Variants in DLG2 observed in about 807,000 individuals in gnomAD.
The protein encoded by DLG2 is disks large homolog 2.
A neutral mutation model predicts 132.5 loss-of-function variants in DLG2; 45 were observed. The observed-to-expected ratio is 0.34, with a 90% CI of 0.27 to 0.44. The LOEUF (loss-of-function observed/expected upper bound fraction) is 0.44. Ranked by LOEUF, DLG2 falls within the 20% of genes least tolerant of loss-of-function variation. The pLI is 1.00. For missense variants in DLG2, 1,045 were observed against 1,196.9 expected (o/e 0.87, Z 1.87); for synonymous variants, 424 against 419.6 (o/e 1.01, Z -0.13).
intron 6 of DLG2, among the ~76,000 whole-genome samples, chr11:84,634,569 C>A (rs1165409326): frequency 6.6e-6 from 1 of 152,184 alleles, no homozygotes; most frequent in Non-Finnish European, 1.5e-5. Context: ...CTGTATGTCA[C>A]CTTCATTTTT....
At chr11:85,162,214 T>C (rs1037105501) in intron 4 of DLG2, among the ~76,000 whole-genome samples, 2 of 152,116 alleles carry the variant, frequency 1.3e-5, no homozygotes, top group African/African-American at 2.4e-5. Flanking sequence ...AGTAAGGAAG[T>C]GTGTGCGTGG....
chr11:83,628,126 A>G (rs1271172651), intron 19 of DLG2, among the ~76,000 whole-genome samples: 1 of 152,116 alleles, frequency 6.6e-6, no homozygotes, highest in Non-Finnish European at 1.5e-5. Context: ...CCTTTGTCAG[A>G]TGAGTAGGTT....
chr11:83,791,481 GC>G, intron 17 of DLG2: 1 of 693,988 alleles, frequency 1.4e-6, no homozygotes, highest in Non-Finnish European at 2.7e-6. Context: ...AAAGTCACTG[GC>G]TAGCGATGGT....
At chr11:84,380,368 C>G (rs1381221847) in intron 7 of DLG2, among the ~76,000 whole-genome samples, 1 of 151,972 alleles carries the variant, frequency 6.6e-6, no homozygotes, top group African/African-American at 2.4e-5. Flanking sequence ...GGCCATAGTT[C>G]AAGCCTCAAC....
intron 6 of DLG2, among the ~76,000 whole-genome samples, chr11:84,838,368 GT>G (rs1032493201): frequency 1.3e-5 from 2 of 148,838 alleles, no homozygotes; most frequent in African/African-American, 5.0e-5. Context: ...GTCTTTATGT[GT>G]TTTAGCCGAA....
In DLG2 at chr11:83,745,276, G is replaced by GA. The variant is rs995975395; in HGVS notation, c.1825+41413dup. On this transcript the variant is annotated intron_variant, in intron 18 of 27. Coordinates refer to ENST00000376104, the MANE Select transcript of DLG2 (RefSeq NM_001142699.3). ...ATACAGCAAGAAGTGGCCAAAGTTT[G>GA]AAAAAAATTAGAAAACTATGCAACA... Among the ~76,000 whole-genome samples, 79 of 152,196 alleles carry GA rather than the reference G, an allele frequency of 5.2e-4. 1 individual carries two copies. Among genetic ancestry groups the GA allele is most frequent in the African/African-American group, 1.8e-3 (75 of 41,558 alleles).
intron 3 of DLG2, among the ~76,000 whole-genome samples, chr11:85,353,355 T>C (rs1369372809): frequency 2.0e-5 from 3 of 152,126 alleles, no homozygotes; most frequent in South Asian, 2.1e-4. Flanking sequence ...CTGGAGAGGA[T>C]GTGGAGAAAT....
At chr11:84,725,661 C>A (rs1052793318) in intron 6 of DLG2, among the ~76,000 whole-genome samples, 1 of 152,090 alleles carries the variant, frequency 6.6e-6, no homozygotes, top group African/African-American at 2.4e-5. Flanking sequence ...AAAGTCCATA[C>A]AAATGATTGA....
intron 8 of DLG2, among the ~76,000 whole-genome samples, chr11:84,165,623 G>A (rs889735830): frequency 2.0e-5 from 3 of 152,004 alleles, no homozygotes; most frequent in East Asian, 1.9e-4. Flanking sequence ...AAAGCATCCC[G>A]GCTGGGTGGT....
chr11:83,938,585 A>T (rs942248845), intron 14 of DLG2, among the ~76,000 whole-genome samples: 6 of 152,228 alleles, frequency 3.9e-5, no homozygotes, highest in African/African-American at 1.4e-4. Context: ...TCTTCCTACT[A>T]GTTGGAATTA....
intron 3 of DLG2, among the ~76,000 whole-genome samples, chr11:85,293,252 A>C (rs1319401511): frequency 6.6e-6 from 1 of 152,126 alleles, no homozygotes; most frequent in Non-Finnish European, 1.5e-5. Context: ...ATAGCCTTAT[A>C]GTATCTCCCC....
At chr11:84,162,723 A>G (rs529961300) in intron 9 of DLG2, among the ~76,000 whole-genome samples, 2 of 152,252 alleles carry the variant, frequency 1.3e-5, no homozygotes, top group South Asian at 4.1e-4. Flanking sequence ...GAATATTCAC[A>G]TTCCTTTTAA....
intron 7 of DLG2, among the ~76,000 whole-genome samples, chr11:84,303,257 G>A (rs2098176648): frequency 6.6e-6 from 1 of 152,184 alleles, no homozygotes; most frequent in East Asian, 1.9e-4. Context: ...CAACTTTAGA[G>A]CTAGTATATA....
intron 17 of DLG2, among the ~76,000 whole-genome samples, chr11:83,797,947 A>C (rs1452474483): frequency 6.6e-6 from 1 of 152,206 alleles, no homozygotes; most frequent in Non-Finnish European, 1.5e-5. Flanking sequence ...TATTATTTTA[A>C]CGTCATTCTT....
Position 84,106,574 on chromosome 11 carries a change from T to A in DLG2, c.625-7527A>T, listed in dbSNP as rs115303346. ...CAATCTACAGGAATTGCATTTAGGA[T>A]GCCCCATAGTTTGTTCTATTAAATT... On this transcript the variant is annotated intron_variant, in intron 9 of 27. Transcript: ENST00000376104. 3.4e-3 allele frequency among the ~76,000 whole-genome samples: 513 copies of A among 152,280 alleles called. 1 individual carries two copies. Among genetic ancestry groups the A allele is most frequent in the African/African-American group, 0.012 (493 of 41,572 alleles).
intron 10 of DLG2, among the ~76,000 whole-genome samples, chr11:84,083,311 T>A (rs1268371841): frequency 6.6e-6 from 1 of 151,992 alleles, no homozygotes; most frequent in Non-Finnish European, 1.5e-5. Flanking sequence ...ATAACAGTCA[T>A]CTAATGTAAA....
chr11:84,330,790 A>C (rs1381200544), intron 7 of DLG2, among the ~76,000 whole-genome samples: 2 of 152,158 alleles, frequency 1.3e-5, no homozygotes, highest in African/African-American at 4.8e-5. Context: ...ACACTATTTC[A>C]TCCTGCTTTC....
At chr11:84,573,703 C>A (rs927585217) in intron 6 of DLG2, among the ~76,000 whole-genome samples, 1 of 152,134 alleles carries the variant, frequency 6.6e-6, no homozygotes, top group Non-Finnish European at 1.5e-5. Flanking sequence ...AGCAAATATT[C>A]AGTTTCTATT....
chr11:83,625,047 G>A (rs2062266117), intron 19 of DLG2, among the ~76,000 whole-genome samples: 1 of 152,164 alleles, frequency 6.6e-6, no homozygotes. Context: ...TAGTCAATAT[G>A]TTTCTAAGTG....
Sources: allele counts gnomAD v4.1 joint callset (sites outside exome capture counted in the v4.1 genomes callset), GRCh38; gene constraint gnomAD v4.1.1; transcripts MANE v1.5; gene names NCBI Gene and HGNC (gene_info 2026-07-23, HGNC 2026-07-21).